CENPC: variants seen among roughly 807,000 people sequenced by gnomAD.
CENPC encodes CENP-C 1.
In CENPC, 63 loss-of-function variants were observed where a neutral mutation model predicts 112.1. The ratio of observed to expected loss-of-function variants is 0.56; its 90% CI spans 0.46 to 0.69. The LOEUF (loss-of-function observed/expected upper bound fraction) is 0.69, where lower values mean the gene tolerates loss of function less well. CENPC is among the 30% of genes least tolerant of loss of function. CENPC has a pLI of 0.00. For synonymous variants in CENPC, 333 were observed against 367.6 expected (o/e 0.91, Z 1.08); for missense variants, 1,000 against 1,103.8 (o/e 0.91, Z 1.33).
intron 1 of CENPC, among the ~76,000 whole-genome samples, chr4:67,544,482 A>T (rs1726972337): frequency 6.6e-6 from 1 of 152,196 alleles, no homozygotes; most frequent in Non-Finnish European, 1.5e-5. Context: ...TGCTCATAGT[A>T]AAAAGTATAG....
intron 12 of CENPC, 94 bp from the exon 13 acceptor site, chr4:67,495,306 TA>T: frequency 1.7e-6 from 2 of 1,175,594 alleles, no homozygotes; most frequent in Non-Finnish European, 2.3e-6. Context: ...ATGAGTATTT[TA>T]AATAAAGTTT....
chr4:67,476,056 A>T (rs1325172808), intron 17 of CENPC, among the ~76,000 whole-genome samples: 1 of 152,182 alleles, frequency 6.6e-6, no homozygotes. Context: ...AGTGAAAAGC[A>T]TTACTCACAT....
intron 17 of CENPC, 83 bp from the exon 18 acceptor site, chr4:67,475,061 T>A: frequency 6.3e-5 from 40 of 638,640 alleles, no homozygotes; most frequent in East Asian, 9.6e-5. Context: ...GTGGGAAGAA[T>A]AACGACTCCC....
rs1250649615 is a variant in CENPC at position 67,491,476 on chromosome 4, T to TAG, written c.2515+703_2515+704insCT. Among the ~76,000 whole-genome samples, 26 of 28,580 alleles carry TAG rather than the reference T, an allele frequency of 9.1e-4. 1 individual carries two copies. Among genetic ancestry groups the TAG allele is most frequent in the East Asian group, 2.6e-3 (2 of 760 alleles). 18.7% of individuals were successfully genotyped at this position (28,580 alleles called of 152,430 possible). On this transcript the variant is annotated intron_variant, in intron 16 of 18. Coordinates refer to ENST00000273853, the MANE Select transcript of CENPC (RefSeq NM_001812.4). ...ATATATATATATATATATATATATA[T>TAG]ATATAGAGAGAGAGAGAGAGAGAGA... is the stretch of plus-strand genomic sequence containing the variant.
chr4:67,498,992 T>C (rs952090427), intron 12 of CENPC, among the ~76,000 whole-genome samples: 3 of 152,234 alleles, frequency 2.0e-5, no homozygotes, highest in African/African-American at 7.2e-5. Context: ...CCTTGATCCA[T>C]GCATGAGCTG....
At position 67,472,215 on chromosome 4, in the gene CENPC, A is replaced by G. The variant is rs1164303584; in HGVS notation, c.*390T>C. The G allele has an allele frequency of 1.3e-5, 2 of 153,260 alleles. No individual in the cohort carries two copies. The highest frequency in any genetic ancestry group is 2.9e-5 in the Non-Finnish European group (2 of 68,612). The allele number at this position is 153,260 out of a possible 1,614,324, so 9.5% of individuals were successfully genotyped here. A position where few individuals can be genotyped will look rare whatever the true frequency, so the allele number is the denominator to read the frequency against. On this transcript the variant is annotated 3_prime_UTR_variant, in exon 19 of 19. Transcript: ENST00000273853. ...GCAGTTCTAGGAAATTAATACAAAC[A>G]TGCCTTTTACCACAGTTCTCTCCCA...
intron 12 of CENPC, among the ~76,000 whole-genome samples, chr4:67,503,336 G>A (rs1274919794): frequency 1.3e-5 from 2 of 151,984 alleles, no homozygotes; most frequent in Non-Finnish European, 2.9e-5. Flanking sequence ...TGCACGGTTT[G>A]CTGTCTCATC....
In CENPC at chr4:67,470,813, T is replaced by TA. The variant is rs1270654016; in HGVS notation, c.*1791dup. The TA allele has an allele frequency of 6.6e-6, 1 of 152,026 alleles. No homozygotes were observed. The highest frequency in any genetic ancestry group is 1.5e-5 in the Non-Finnish European group (1 of 68,002). The allele number at this position is 152,026 out of a possible 1,614,324, so 9.4% of individuals were successfully genotyped here. A position where few individuals can be genotyped will look rare whatever the true frequency, so the allele number is the denominator to read the frequency against. On this transcript the variant is annotated 3_prime_UTR_variant, in exon 19 of 19. Coordinates refer to ENST00000273853, the MANE Select transcript of CENPC (RefSeq NM_001812.4). The stretch of plus-strand genomic sequence containing the variant: ...AACCTACAACTTTGTAAGTCAAAAG[T>TA]AAAAAAATCACTTAGGAATGGACAA...
intron 8 of CENPC, 111 bp downstream of exon 8, chr4:67,513,963 T>G: frequency 1.0e-6 from 1 of 990,798 alleles, no homozygotes; most frequent in Admixed American, 3.3e-5. Context: ...CTTTTCAGGC[T>G]CTTTGTTCAT....
Position 67,512,447 on chromosome 4 carries a change from T to C in CENPC, c.1567A>G (p.Ile523Val). Residue 523 changes from isoleucine to valine, a missense_variant, in exon 9 of 19, where the codon ATT becomes GTT. By Grantham distance (29) the Ile-to-Val change is conservative. Coordinates refer to ENST00000273853, the MANE Select transcript of CENPC (RefSeq NM_001812.4). ...CACCAATCAGATGGACGCCTGGAAA[T>C]TCTTCGACTTTTCGTGACAGTTGAA... ...VTSTVTKSRR[I>V]SRRPSDWWVV... is the part of the protein sequence containing the mutation. The C allele has an allele frequency of 6.2e-7, 1 of 1,601,870 alleles. No homozygotes were observed. The highest frequency in any genetic ancestry group is 1.3e-5 in the African/African-American group (1 of 74,746).
At chr4:67,523,019 A>T (rs988144006) in intron 5 of CENPC, among the ~76,000 whole-genome samples, 2 of 152,056 alleles carry the variant, frequency 1.3e-5, no homozygotes, top group Non-Finnish European at 2.9e-5. Context: ...AAAAATTAAA[A>T]GGAATGAATC....
intron 5 of CENPC, among the ~76,000 whole-genome samples, chr4:67,526,532 GA>G (rs914200140): frequency 6.6e-6 from 1 of 150,532 alleles, no homozygotes; most frequent in Non-Finnish European, 1.5e-5. Context: ...AAAAGTTCTT[GA>G]AAAAAAAATC....
intron 2 of CENPC, among the ~76,000 whole-genome samples, chr4:67,542,199 CAT>C (rs1351614748): frequency 1.3e-5 from 2 of 152,210 alleles, no homozygotes; most frequent in East Asian, 1.9e-4. Flanking sequence ...GCTTGTAAAC[CAT>C]AGTCTCTGTC....
In CENPC at chr4:67,506,881, G is replaced by A. The variant is rs751293036; in HGVS notation, c.1958C>T (p.Pro653Leu). The A allele has an allele frequency of 1.2e-6, 2 of 1,612,180 alleles. No homozygotes were observed. The highest frequency in any genetic ancestry group is 1.1e-5 in the South Asian group (1 of 90,928). The change falls in exon 11 of 19, where the codon CCC (proline) becomes CTC (leucine). Residue 653 changes from proline (P) to leucine (L), a missense_variant. Transcript: ENST00000273853. ...ATATCCACTGGTCTGAGGCTTTAGGGGAACATTCTGTGCAGTCATAATGTT... is the reference window on the plus strand; with the variant it reads ...ATATCCACTGGTCTGAGGCTTTAGGAGAACATTCTGTGCAGTCATAATGTT... ...EDNIMTAQNVPLKPQTSGYTC... is the reference protein window; with the variant it reads ...EDNIMTAQNVLLKPQTSGYTC...
chr4:67,486,291 A>G (rs532991444), intron 17 of CENPC, among the ~76,000 whole-genome samples: 1 of 152,312 alleles, frequency 6.6e-6, no homozygotes, highest in East Asian at 1.9e-4. Context: ...TTTCAAAATA[A>G]ATGCCCAGTA....
intron 5 of CENPC, among the ~76,000 whole-genome samples, chr4:67,529,348 G>A (rs1348111429): frequency 2.0e-5 from 3 of 151,834 alleles, no homozygotes; most frequent in Admixed American, 6.6e-5. Flanking sequence ...TTTTGGAGAC[G>A]GGGTCTCACT....
rs1375475118 is a variant in CENPC at position 67,469,697 on chromosome 4, G to C, written c.*2908C>G. 2 of 152,226 alleles carry C rather than the reference G, an allele frequency of 1.3e-5. No individual in the cohort carries two copies. Among genetic ancestry groups the C allele is most frequent in the Non-Finnish European group, 2.9e-5 (2 of 68,048 alleles). 9.4% of individuals were successfully genotyped at this position (152,226 alleles called of 1,614,324 possible). The stretch of plus-strand genomic sequence containing the variant: ...AGCATGAGGGCTGCCTGACAAAGTA[G>C]GCAGGACTGTGATTCTTTAAAGACA... On this transcript the variant is annotated 3_prime_UTR_variant, in exon 19 of 19. Coordinates refer to ENST00000273853, the MANE Select transcript of CENPC (RefSeq NM_001812.4).
At chr4:67,524,914 T>C (rs772668805) in intron 5 of CENPC, among the ~76,000 whole-genome samples, 4 of 152,196 alleles carry the variant, frequency 2.6e-5, no homozygotes, top group Non-Finnish European at 5.9e-5. Context: ...TCACACTACC[T>C]GGCTTCAAAC....
At chr4:67,500,738 A>C (rs1470381164) in intron 12 of CENPC, among the ~76,000 whole-genome samples, 1 of 152,212 alleles carries the variant, frequency 6.6e-6, no homozygotes, top group Non-Finnish European at 1.5e-5. Flanking sequence ...TGAATAAAAT[A>C]ATTGGCATGC....
Sources: gnomAD v4.1 joint callset for allele counts (sites outside exome capture counted in the v4.1 genomes callset) on GRCh38, gnomAD v4.1.1 for gene constraint, MANE v1.5 for transcripts, NCBI Gene and HGNC (gene_info 2026-07-23, HGNC 2026-07-21) for gene names.